SLC22A15: variants seen among roughly 807,000 people sequenced by gnomAD.
SLC22A15 encodes the protein flipt 1.
A neutral mutation model predicts 62.7 loss-of-function variants in SLC22A15; 45 were observed. That is an observed-to-expected ratio of 0.72 (90% CI 0.56 to 0.92). The LOEUF (loss-of-function observed/expected upper bound fraction) is 0.92, where lower values mean the gene tolerates loss of function less well. Among genes scored for constraint, SLC22A15 ranks in the 40% least tolerant of loss-of-function variants. SLC22A15 has a pLI of 0.00. For missense variants in SLC22A15, 622 were observed against 665.6 expected (o/e 0.93, Z 0.72); for synonymous variants, 264 against 267.0 (o/e 0.99, Z 0.11).
At chr1:115,998,478 T>C (rs765201999) in intron 2 of SLC22A15, among the ~76,000 whole-genome samples, 3 of 152,184 alleles carry the variant, frequency 2.0e-5, no homozygotes, top group Non-Finnish European at 4.4e-5. Flanking sequence ...TTGTTATTGA[T>C]CTATTTAGGC....
intron 11 of SLC22A15, 122 bp downstream of exon 11, chr1:116,066,830 A>G (rs1030173001): frequency 9.6e-7 from 1 of 1,046,180 alleles, no homozygotes; most frequent in South Asian, 1.7e-5. Flanking sequence ...GGGATCTAAC[A>G]GCAGCTGATT....
At chr1:116,047,246 G>A (rs995327619) in intron 8 of SLC22A15, among the ~76,000 whole-genome samples, 8 of 152,044 alleles carry the variant, frequency 5.3e-5, no homozygotes, top group African/African-American at 1.7e-4. Context: ...GGCCAAGATG[G>A]TGAAACACCG....
intron 6 of SLC22A15, among the ~76,000 whole-genome samples, chr1:116,033,868 C>T (rs1239106524): frequency 6.6e-6 from 1 of 152,130 alleles, no homozygotes; most frequent in Admixed American, 6.6e-5. Flanking sequence ...AACACTTCAT[C>T]TCAGTAAGAA....
chr1:116,027,542 G>C (rs377693382), intron 5 of SLC22A15, among the ~76,000 whole-genome samples: 1 of 152,112 alleles, frequency 6.6e-6, no homozygotes, highest in African/African-American at 2.4e-5. Flanking sequence ...GTCAGGGAAG[G>C]ACTCTATAAA....
intron 10 of SLC22A15, among the ~76,000 whole-genome samples, chr1:116,066,262 A>C (rs1380412338): frequency 6.6e-6 from 1 of 152,204 alleles, no homozygotes; most frequent in East Asian, 1.9e-4. Flanking sequence ...CACCCCGGAC[A>C]TGAAATTGCT....
intron 2 of SLC22A15, among the ~76,000 whole-genome samples, chr1:116,008,813 G>A (rs1656108829): frequency 6.6e-6 from 1 of 152,196 alleles, no homozygotes; most frequent in Non-Finnish European, 1.5e-5. Context: ...CCTGGCCACT[G>A]TGGCATGGGC....
At chr1:116,026,491 A>ATC (rs1657097086) in intron 4 of SLC22A15, among the ~76,000 whole-genome samples, 2 of 152,108 alleles carry the variant, frequency 1.3e-5, no homozygotes, top group African/African-American at 4.8e-5. Context: ...CTGTGTGATA[A>ATC]AGATTAAGTT....
chr1:116,055,821 T>C (rs1438783656), intron 8 of SLC22A15, among the ~76,000 whole-genome samples: 4 of 139,934 alleles, frequency 2.9e-5, no homozygotes, highest in Admixed American at 7.2e-5. Flanking sequence ...ATTATCTCAA[T>C]AGATGCAGAA....
chr1:116,030,340 C>T (rs1264639440), intron 5 of SLC22A15, among the ~76,000 whole-genome samples: 11 of 152,112 alleles, frequency 7.2e-5, no homozygotes, highest in African/African-American at 2.4e-4. Context: ...AGTGTTTGTT[C>T]CTAATTCACT....
At chr1:116,026,310 T>C (rs1013230756) in intron 4 of SLC22A15, among the ~76,000 whole-genome samples, 1 of 151,678 alleles carries the variant, frequency 6.6e-6, no homozygotes, top group Non-Finnish European at 1.5e-5. Context: ...TCCCAGCTAC[T>C]TGGGAGGCTG....
rs183543674 is a variant in SLC22A15, at chr1:116,013,293, C to G, written c.301-6289C>G. Among the ~76,000 whole-genome samples the G allele has an allele frequency of 3.3e-5, 5 of 152,268 alleles. No individual in the cohort carries two copies. The East Asian group carries it at 9.7e-4, about 29-fold the overall frequency. ...TTGACATGCAACCTTCCTTTTCTTC[C>G]TTCCCGCTCCTTTTTAGTGACATCT... On this transcript the variant is annotated intron_variant, in intron 2 of 11. Transcript: ENST00000369503.
At chr1:116,004,280 G>C (rs948228869) in intron 2 of SLC22A15, among the ~76,000 whole-genome samples, 7 of 152,090 alleles carry the variant, frequency 4.6e-5, no homozygotes, top group Non-Finnish European at 1.5e-5. Context: ...CTGGTGTTTT[G>C]GTAATACTTT....
chr1:116,026,693 A>T (rs1232909015), intron 4 of SLC22A15, among the ~76,000 whole-genome samples, 200 bp from the exon 5 acceptor site: 1 of 152,128 alleles, frequency 6.6e-6, no homozygotes, highest in Admixed American at 6.5e-5. Context: ...TATTTCCACT[A>T]ATTTTCTGGC....
intron 10 of SLC22A15, among the ~76,000 whole-genome samples, 167 bp downstream of exon 10, chr1:116,064,675 C>G (rs555001375): frequency 3.3e-5 from 5 of 152,136 alleles, no homozygotes; most frequent in South Asian, 4.1e-4. Context: ...GGACTCTTAT[C>G]GAGGATTCAT....
chr1:116,052,398 C>A (rs1202053969), intron 8 of SLC22A15, among the ~76,000 whole-genome samples: 2 of 152,246 alleles, frequency 1.3e-5, no homozygotes, highest in African/African-American at 4.8e-5. Flanking sequence ...AGCCGGGAAG[C>A]TCGAACTGGG....
intron 1 of SLC22A15, among the ~76,000 whole-genome samples, chr1:115,986,817 G>GTTAATATGATA (rs2101069652): frequency 6.6e-6 from 1 of 152,292 alleles, no homozygotes; most frequent in South Asian, 2.1e-4. Context: ...CTGAAGATGG[G>GTTAATATGATA]TTAATATGAT....
chr1:116,064,398 C>T, intron 9 of SLC22A15, 38 bp from the exon 10 acceptor site: 1 of 1,524,342 alleles, frequency 6.6e-7, no homozygotes, highest in Non-Finnish European at 9.1e-7. Flanking sequence ...AATTCCTCCG[C>T]TAGAACTTAC....
chr1:115,989,614 C>G (rs1655051284), intron 1 of SLC22A15, among the ~76,000 whole-genome samples: 1 of 152,034 alleles, frequency 6.6e-6, no homozygotes, highest in African/African-American at 2.4e-5. Context: ...AACCTCGTCT[C>G]TACTAAAAAT....
At chr1:116,064,359 G>C (rs1658447950) in intron 9 of SLC22A15, 77 bp from the exon 10 acceptor site, 1 of 1,011,584 alleles carries the variant, frequency 9.9e-7, no homozygotes, top group Non-Finnish European at 1.5e-6. Flanking sequence ...TGTTATTCAA[G>C]GCCCGCTGCT....
Sources: gnomAD v4.1 joint callset for allele counts (sites outside exome capture counted in the v4.1 genomes callset) on GRCh38, gnomAD v4.1.1 for gene constraint, MANE v1.5 for transcripts, NCBI Gene and HGNC (gene_info 2026-07-23, HGNC 2026-07-21) for gene names.